GPAM: variants seen among roughly 807,000 people sequenced by gnomAD.
GPAM encodes the protein glycerol-3-phosphate acyltransferase 1, mitochondrial.
GPAM carries 56 observed loss-of-function variants against 105.0 expected under a neutral mutation model. That is an observed-to-expected ratio of 0.53 (90% confidence interval 0.43 to 0.67). GPAM has a LOEUF of 0.67. Ranked by LOEUF, GPAM falls within the 30% of genes least tolerant of loss-of-function variation. The pLI, the probability that GPAM is intolerant of heterozygous loss-of-function variation, is 0.00. For synonymous variants in GPAM, 368 were observed against 354.4 expected, an observed-to-expected ratio of 1.04 and a Z score of -0.43; for missense variants, 855 against 989.8, an observed-to-expected ratio of 0.86 and a Z score of 1.83.
the GPAM span, among the ~76,000 whole-genome samples, chr10:112,220,441 T>C: frequency 4.0e-5 from 6 of 149,572 alleles, no homozygotes; most frequent in South Asian, 4.2e-4. Flanking sequence ...GCCATACTCA[T>C]ATATAACTGT....
chr10:112,172,342 T>C, intron 8 of GPAM, 24 bp from the exon 9 acceptor site: 2 of 1,606,008 alleles, frequency 1.2e-6, no homozygotes, highest in Non-Finnish European at 1.7e-6. Flanking sequence ...AAATGCCAAA[T>C]TTAAAACTCA....
chr10:112,153,344 C>G lies in GPAM; in HGVS notation c.*206G>C, dbSNP rs1168227823. On this transcript the variant is annotated 3_prime_UTR_variant, in exon 22 of 22. Coordinates refer to ENST00000348367, the MANE Select transcript of GPAM (RefSeq NM_001244949.2). ...TTGCGAATAGAGGCTGAGGTCCCCC[C>G]AAGTGTTATCTGCAGGCTGCTGTGT... 4 of 1,481,078 alleles carry G rather than the reference C, an allele frequency of 2.7e-6. No individual in the cohort carries two copies. In the South Asian group the frequency reaches 5.4e-5, roughly 20 times the overall value. The allele number at this position is 1,481,078 out of a possible 1,614,324, so 91.7% of individuals were successfully genotyped here.
chr10:112,216,315 C>A (rs1847967290), upstream of GPAM, among the ~76,000 whole-genome samples: 1 of 152,186 alleles, frequency 6.6e-6, no homozygotes, highest in African/African-American at 2.4e-5. Flanking sequence ...CTGAGGTGAG[C>A]CAAACCTGGC....
chr10:112,209,391 C>A (rs891171741), intron 1 of GPAM, among the ~76,000 whole-genome samples: 2 of 151,912 alleles, frequency 1.3e-5, no homozygotes, highest in African/African-American at 4.8e-5. Flanking sequence ...AGGGGCCCCA[C>A]CCCTACCTTA....
At chr10:112,213,757 G>A (rs1030622731) in intron 1 of GPAM, among the ~76,000 whole-genome samples, 3 of 152,288 alleles carry the variant, frequency 2.0e-5, no homozygotes, top group Middle Eastern at 3.4e-3. Context: ...GATAAGGTTC[G>A]ACCATGGTGG....
chr10:112,187,363 T>A (rs1847608244), upstream of GPAM, among the ~76,000 whole-genome samples: 1 of 152,090 alleles, frequency 6.6e-6, no homozygotes. Context: ...AAGTAAAAGG[T>A]TAGAAAACAG....
chr10:112,210,914 C>T (rs559828515), intron 1 of GPAM, among the ~76,000 whole-genome samples: 38 of 152,362 alleles, frequency 2.5e-4, no homozygotes, highest in African/African-American at 8.7e-4. Context: ...AGACCTAGGC[C>T]TATTCTCAAA....
the GPAM span, among the ~76,000 whole-genome samples, chr10:112,227,088 C>G: frequency 6.6e-6 from 1 of 152,196 alleles, no homozygotes; most frequent in African/African-American, 2.4e-5. Flanking sequence ...CTCAGGCATG[C>G]CACTCTCGTT....
At chr10:112,177,901 C>A in intron 5 of GPAM, 83 bp downstream of exon 5, 2 of 754,652 alleles carry the variant, frequency 2.7e-6, no homozygotes, top group Admixed American at 3.9e-5. Context: ...TAATGCAAAG[C>A]AATTCAGCTT....
At chr10:112,161,300 C>T (rs922451926) in intron 15 of GPAM, among the ~76,000 whole-genome samples, 2 of 152,150 alleles carry the variant, frequency 1.3e-5, no homozygotes, top group African/African-American at 2.4e-5. Context: ...TCATAAAGCT[C>T]AGACAAATGT....
At chr10:112,183,892 A>G (rs887901269), upstream of GPAM, 2 of 152,252 alleles carry the variant, frequency 1.3e-5, no homozygotes, top group African/African-American at 4.8e-5. Context: ...TGTGTACTCG[A>G]GTGTGCGTGC....
chr10:112,157,369 G>T lies in GPAM; in HGVS notation c.2001C>A (p.Ile667=). The T allele has an allele frequency of 1.2e-6, 2 of 1,613,698 alleles. No homozygotes were observed. The highest frequency in any genetic ancestry group is 1.7e-6 in the Non-Finnish European group (2 of 1,179,592). ...ACTGCTGCTCAGCAAGACTAGGACT[G>T]ATATCTTCCTGGTCATCGTGCTAGG... ...TVAEHDDQED[I]SPSLAEQQWD... is the part of the protein sequence containing the mutation. Residue 667 remains isoleucine, a synonymous_variant, in exon 19 of 22, where the codon ATC becomes ATA. Transcript: ENST00000348367.
Position 112,152,013 on chromosome 10 carries a change from C to T in GPAM, c.*1537G>A. ...TAGCATTATTGCTATGAGTTTCAAA[C>T]ATGGTATTTCATACAATGTGAAATA... On this transcript the variant is annotated 3_prime_UTR_variant, in exon 22 of 22. Transcript: ENST00000348367. 2 of 976,202 alleles carry T rather than the reference C, an allele frequency of 2.0e-6. No individual in the cohort carries two copies. Among genetic ancestry groups the T allele is most frequent in the South Asian group, 4.7e-5 (1 of 21,130 alleles). 60.5% of individuals were successfully genotyped at this position (976,202 alleles called of 1,614,324 possible).
chr10:112,157,953 T>C (rs1847046884), intron 18 of GPAM, among the ~76,000 whole-genome samples: 1 of 152,256 alleles, frequency 6.6e-6, no homozygotes, highest in Non-Finnish European at 1.5e-5. Flanking sequence ...TGTTTACTTA[T>C]TTATGAGACT....
the GPAM span, among the ~76,000 whole-genome samples, chr10:112,220,586 C>T: frequency 3.9e-5 from 6 of 152,124 alleles, no homozygotes; most frequent in Non-Finnish European, 7.4e-5. Context: ...AAAGCCTGTC[C>T]TTGAATAGTG....
upstream of GPAM, among the ~76,000 whole-genome samples, chr10:112,219,348 G>A (rs1479280612): frequency 3.3e-5 from 5 of 152,172 alleles, no homozygotes; most frequent in Non-Finnish European, 7.4e-5. Flanking sequence ...AGATTCCAGT[G>A]CAAAGTGCTT....
At chr10:112,194,717 A>AGCTCTGGGTGCTT (rs1847703088) in intron 1 of GPAM, among the ~76,000 whole-genome samples, 1 of 152,160 alleles carries the variant, frequency 6.6e-6, no homozygotes, top group African/African-American at 2.4e-5. Flanking sequence ...AGCAAGTCCC[A>AGCTCTGGGTGCTT]GCTCTGGGTG....
chr10:112,156,113 T>A, intron 19 of GPAM, 60 bp from the exon 20 acceptor site: 5 of 1,179,056 alleles, frequency 4.2e-6, no homozygotes, highest in Non-Finnish European at 6.3e-6. Flanking sequence ...ACAAGGCAAG[T>A]GGACAGAGGA....
intron 1 of GPAM, among the ~76,000 whole-genome samples, chr10:112,189,553 A>T (rs1847632472): frequency 2.0e-5 from 3 of 152,158 alleles, no homozygotes; most frequent in Admixed American, 2.0e-4. Context: ...ATTCAGGGTG[A>T]TCTCTTGCCT....
Sources: allele counts gnomAD v4.1 joint callset (sites outside exome capture counted in the v4.1 genomes callset), GRCh38; gene constraint gnomAD v4.1.1; transcripts MANE v1.5; gene names NCBI Gene and HGNC (gene_info 2026-07-23, HGNC 2026-07-21).